Variants in NKAIN3 observed in about 807,000 individuals in gnomAD.
NKAIN3 encodes sodium/potassium transporting ATPase interacting 3.
NKAIN3 carries 25 observed loss-of-function variants against 30.2 expected under a neutral mutation model. The ratio of observed to expected loss-of-function variants is 0.83; its 90% CI spans 0.60 to 1.16. NKAIN3 has a LOEUF of 1.16. NKAIN3 is among the 50% of genes most tolerant of loss of function. The pLI is 0.00. For synonymous variants in NKAIN3, 91 were observed against 89.6 expected (o/e 1.02, Z -0.09); for missense variants, 225 against 254.1 (o/e 0.89, Z 0.78).
At chr8:62,953,260 G>A (rs1338739607) in intron 5 of NKAIN3, among the ~76,000 whole-genome samples, 1 of 152,134 alleles carries the variant, frequency 6.6e-6, no homozygotes, top group African/African-American at 2.4e-5. Context: ...AATGGACTAT[G>A]AAACAGGAGA....
At chr8:62,856,685 G>A in intron 4 of NKAIN3, 1 of 757,698 alleles carries the variant, frequency 1.3e-6, no homozygotes, top group Non-Finnish European at 2.4e-6. Context: ...CAGATCTGTG[G>A]CCCATCAGGT....
At chr8:62,410,574 T>C (rs1323693983) in intron 1 of NKAIN3, among the ~76,000 whole-genome samples, 1 of 152,060 alleles carries the variant, frequency 6.6e-6, no homozygotes, top group East Asian at 1.9e-4. Flanking sequence ...GAATTGGTAC[T>C]TTGGAAAAAA....
At chr8:62,800,206 TAATA>T (rs879283475) in intron 4 of NKAIN3, among the ~76,000 whole-genome samples, 64 of 149,762 alleles carry the variant, frequency 4.3e-4, no homozygotes, top group Non-Finnish European at 7.3e-4. Flanking sequence ...TTGAAATAAA[TAATA>T]AATAAACAAA....
At chr8:62,568,481 C>T (rs1289123994) in intron 1 of NKAIN3, among the ~76,000 whole-genome samples, 1 of 152,156 alleles carries the variant, frequency 6.6e-6, no homozygotes, top group Admixed American at 6.6e-5. Context: ...TTTCACTCTG[C>T]CAGTTGATAT....
chr8:62,848,304 C>T (rs2130769412), intron 4 of NKAIN3, among the ~76,000 whole-genome samples: 1 of 152,214 alleles, frequency 6.6e-6, no homozygotes, highest in Non-Finnish European at 1.5e-5. Context: ...TATCCACGAG[C>T]ATGGAATGTT....
At chr8:62,500,449 G>A (rs1029649557) in intron 1 of NKAIN3, among the ~76,000 whole-genome samples, 6 of 116,334 alleles carry the variant, frequency 5.2e-5, no homozygotes, top group African/African-American at 2.3e-4. Context: ...AAGAAAGAAA[G>A]AAAGAAAGAA....
At chr8:62,424,449 G>A (rs1804738423) in intron 1 of NKAIN3, among the ~76,000 whole-genome samples, 1 of 73,760 alleles carries the variant, frequency 1.4e-5, no homozygotes, top group African/African-American at 4.3e-5. Context: ...CAACTCAATA[G>A]CAAAAAAAAC....
chr8:62,478,508 C>T lies in NKAIN3; in HGVS notation c.55-101031C>T, dbSNP rs185784270. Among the ~76,000 whole-genome samples the T allele has an allele frequency of 2.0e-5, 3 of 152,272 alleles. No homozygotes were observed. In the East Asian group the frequency reaches 5.8e-4, roughly 29 times the overall value. On this transcript the variant is annotated intron_variant, in intron 1 of 6. Transcript: ENST00000623646. ...TTTGAAGTCCTTCACATCCAGCTTC[C>T]TGTCCTGACTCTACCAACACTAAGT...
In NKAIN3 at chr8:62,589,741, AC is replaced by A; in HGVS notation, c.222del (p.Trp75GlyfsTer12). The A allele has an allele frequency of 1.2e-6, 2 of 1,603,552 alleles. No homozygotes were observed. Among genetic ancestry groups the A allele is most frequent in the Non-Finnish European group, 1.7e-6 (2 of 1,172,906 alleles). ...TACAGTGTGGACTGCCCTCTGGGTC[AC>A]CTGGAATGTGTTCATTATCTGCTTT... Reference protein sequence around the residue: ...VYTVWTALWVTWNVFIICFYL... With the variant: ...VYTVWTALWVXWNVFIICFYL... On this transcript the variant is annotated frameshift_variant, in exon 3 of 7. Transcript: ENST00000623646. LOFTEE classifies it high-confidence loss of function.
chr8:62,667,363 A>T (rs201493269), intron 3 of NKAIN3, among the ~76,000 whole-genome samples: 2 of 53,402 alleles, frequency 3.7e-5, no homozygotes, highest in African/African-American at 2.1e-4. Context: ...ATATATCTGT[A>T]TATATATATA....
At position 62,966,744 on chromosome 8, in the gene NKAIN3, T is replaced by C. The variant is rs569278040; in HGVS notation, c.*1337T>C. ...ATGAAAATAAGTTTTGCTCACTTTGTGTAACGACCACAGTGAAGCTCCCTA... is the reference window on the plus strand; with the variant it reads ...ATGAAAATAAGTTTTGCTCACTTTGCGTAACGACCACAGTGAAGCTCCCTA... On this transcript the variant is annotated 3_prime_UTR_variant, in exon 7 of 7. Coordinates refer to ENST00000623646, the MANE Select transcript of NKAIN3 (RefSeq NM_001304533.3). 2.0e-5 allele frequency among the ~76,000 whole-genome samples: 3 copies of C among 152,338 alleles called. No homozygotes were observed. The highest frequency in any genetic ancestry group is 7.2e-5 in the African/African-American group (3 of 41,582).
intron 1 of NKAIN3, among the ~76,000 whole-genome samples, chr8:62,457,587 T>A (rs529752871): frequency 6.6e-6 from 1 of 152,374 alleles, no homozygotes; most frequent in African/African-American, 2.4e-5. Flanking sequence ...CTTTTAAAGA[T>A]GCTTCCTAAT....
chr8:62,836,263 C>A lies in NKAIN3; in HGVS notation c.472-82190C>A, dbSNP rs532936264. On this transcript the variant is annotated intron_variant, in intron 4 of 6. Transcript: ENST00000623646. ...GTTATGAGATCATTCATACCCCAAACCTCAGCATCATGAAATATACTCATT... is the reference window on the plus strand; with the variant it reads ...GTTATGAGATCATTCATACCCCAAAACTCAGCATCATGAAATATACTCATT... Among the ~76,000 whole-genome samples, 35 of 152,138 alleles carry A rather than the reference C, an allele frequency of 2.3e-4. 1 individual carries two copies. The South Asian group carries it at 6.6e-3, about 29-fold the overall frequency.
intron 1 of NKAIN3, among the ~76,000 whole-genome samples, chr8:62,403,824 A>G (rs1009797059): frequency 1.3e-5 from 2 of 152,336 alleles, no homozygotes; most frequent in East Asian, 3.9e-4. Context: ...TGTAAGAAGA[A>G]GGCCACTGTC....
At chr8:62,774,804 C>T (rs1817137046) in intron 4 of NKAIN3, among the ~76,000 whole-genome samples, 1 of 152,030 alleles carries the variant, frequency 6.6e-6, no homozygotes, top group Non-Finnish European at 1.5e-5. Flanking sequence ...ATTCAGTTTG[C>T]TAGTATTTTG....
intron 1 of NKAIN3, among the ~76,000 whole-genome samples, chr8:62,324,422 C>T (rs1322971131): frequency 1.3e-5 from 2 of 152,068 alleles, no homozygotes; most frequent in Non-Finnish European, 2.9e-5. Flanking sequence ...CATTTTATTA[C>T]ATAGTCTACT....
intron 3 of NKAIN3, among the ~76,000 whole-genome samples, chr8:62,681,121 A>C (rs1251953876): frequency 1.3e-5 from 2 of 152,222 alleles, no homozygotes; most frequent in East Asian, 3.8e-4. Context: ...TGATTAGAGC[A>C]ACCATTCAAG....
At chr8:62,255,225 T>TTAAAAA (rs1812229342) in intron 1 of NKAIN3, among the ~76,000 whole-genome samples, 2 of 152,182 alleles carry the variant, frequency 1.3e-5, no homozygotes, top group South Asian at 2.1e-4. Flanking sequence ...AAATCACTCA[T>TTAAAAA]TAAAAATAAA....
At chr8:62,433,012 C>T (rs1805063162) in intron 1 of NKAIN3, among the ~76,000 whole-genome samples, 1 of 152,138 alleles carries the variant, frequency 6.6e-6, no homozygotes, top group African/African-American at 2.4e-5. Context: ...TTGTTGTCCT[C>T]TTAACCCCAA....
Sources: gnomAD v4.1 joint callset for allele counts (sites outside exome capture counted in the v4.1 genomes callset) on GRCh38, gnomAD v4.1.1 for gene constraint, MANE v1.5 for transcripts, NCBI Gene and HGNC (gene_info 2026-07-23, HGNC 2026-07-21) for gene names.